The following ALG9 variants were observed in gnomAD, a reference collection of about 807,000 sequenced individuals.
ALG9 encodes the protein ALG9 alpha-1,2-mannosyltransferase, also known as alpha-1,2-mannosyltransferase ALG9.
A neutral mutation model predicts 81.8 loss-of-function variants in ALG9; 55 were observed. That is an observed-to-expected ratio of 0.67 (90% CI 0.54 to 0.84). The LOEUF (loss-of-function observed/expected upper bound fraction) is 0.84. ALG9 is among the 40% of genes least tolerant of loss of function. The pLI is 0.00. For missense variants in ALG9, 629 were observed against 745.0 expected (o/e 0.84, Z 1.81); for synonymous variants, 278 against 274.3 (o/e 1.01, Z -0.13).
chr11:111,851,153 A>G (rs1957744285), intron 8 of ALG9, among the ~76,000 whole-genome samples: 1 of 151,968 alleles, frequency 6.6e-6, no homozygotes, highest in African/African-American at 2.4e-5. Flanking sequence ...CTTCTTTCCT[A>G]CTTTCCCTAC....
intron 8 of ALG9, among the ~76,000 whole-genome samples, chr11:111,847,793 C>A (rs1301657131): frequency 1.3e-5 from 2 of 152,150 alleles, no homozygotes; most frequent in Non-Finnish European, 2.9e-5. Flanking sequence ...TACAGCGCTC[C>A]CATGTAAAAG....
intron 2 of ALG9, among the ~76,000 whole-genome samples, chr11:111,868,946 C>T (rs1963387682): frequency 6.6e-6 from 1 of 151,700 alleles, no homozygotes; most frequent in Non-Finnish European, 1.5e-5. Context: ...CATAGCAAAA[C>T]CCCATCTCTA....
intron 14 of ALG9, 84 bp downstream of exon 14, chr11:111,809,559 C>G: frequency 6.5e-7 from 1 of 1,541,302 alleles, no homozygotes; most frequent in Non-Finnish European, 8.9e-7. Flanking sequence ...TAGAGTCAAC[C>G]CAGGACTGGA....
Position 111,821,926 on chromosome 11 carries a change from G to A in ALG9, c.1603-12153C>T, listed in dbSNP as rs144867640. Among the ~76,000 whole-genome samples, 196 of 152,198 alleles carry A rather than the reference G, an allele frequency of 1.3e-3. 1 individual carries two copies. Among genetic ancestry groups the A allele is most frequent in the African/African-American group, 4.4e-3 (184 of 41,536 alleles). On this transcript the variant is annotated intron_variant, in intron 13 of 14. Coordinates refer to ENST00000616540, the MANE Select transcript of ALG9 (RefSeq NM_024740.2). ...TGGGATTACAGGTGTGAGCCACCAC[G>A]CCCGGCTACCCAGGCTTCTCTGAAT...
At chr11:111,862,870 T>C (rs1960829864) in intron 4 of ALG9, among the ~76,000 whole-genome samples, 2 of 152,124 alleles carry the variant, frequency 1.3e-5, no homozygotes, top group South Asian at 4.1e-4. Flanking sequence ...AAATGAAGTT[T>C]TTCAGGTGAA....
In ALG9 at chr11:111,837,525, T is replaced by A; in HGVS notation, c.1415A>T (p.Asn472Ile). The change falls in exon 12 of 15, where the codon AAT (asparagine) becomes ATT (isoleucine). Residue 472 changes from asparagine to isoleucine, a missense_variant. Transcript: ENST00000616540. ...ATACCACTCTTTTCCCACACAGACA[T>A]TCACAGGTCTGCCTTCTGGGACAGT... ...IHTVPEGRPV[N>I]VCVGKEWYRF... 6.2e-7 allele frequency: 1 copy of A among 1,614,144 alleles called. No homozygotes were observed. Among genetic ancestry groups the A allele is most frequent in the Non-Finnish European group, 8.5e-7 (1 of 1,179,986 alleles).
intron 12 of ALG9, 91 bp downstream of exon 12, chr11:111,837,377 T>G (rs782813122): frequency 1.1e-5 from 17 of 1,486,730 alleles, no homozygotes; most frequent in Non-Finnish European, 1.5e-5. Context: ...CTGTGAAAAC[T>G]CCAAAAGAAA....
At chr11:111,855,466 A>G (rs1958514473) in intron 6 of ALG9, among the ~76,000 whole-genome samples, 1 of 152,160 alleles carries the variant, frequency 6.6e-6, no homozygotes. Flanking sequence ...CCGTGTAGTG[A>G]TCCAGGAACA....
chr11:111,839,792 C>T (rs1237062364), intron 10 of ALG9, among the ~76,000 whole-genome samples: 1 of 152,098 alleles, frequency 6.6e-6, no homozygotes, highest in Non-Finnish European at 1.5e-5. Flanking sequence ...TTAAAACTAT[C>T]ACCTAATATT....
intron 5 of ALG9, among the ~76,000 whole-genome samples, chr11:111,859,372 C>A (rs1002784269): frequency 1.1e-4 from 17 of 151,918 alleles, no homozygotes; most frequent in Non-Finnish European, 1.9e-4. Flanking sequence ...CGTGGTGGTG[C>A]ACGCCTGTAA....
intron 13 of ALG9, among the ~76,000 whole-genome samples, chr11:111,823,434 A>C (rs1237730173): frequency 6.6e-6 from 1 of 152,216 alleles, no homozygotes. Context: ...TTACACTGCC[A>C]AGTCTTGAGC....
At chr11:111,865,041 T>G in intron 4 of ALG9, 140 bp downstream of exon 4, 2 of 556,208 alleles carry the variant, frequency 3.6e-6, no homozygotes, top group Non-Finnish European at 6.0e-6. Context: ...CCTCCCAAAG[T>G]GCTGGGATTA....
At chr11:111,795,070 GA>G (rs1948051373) in intron 14 of ALG9, among the ~76,000 whole-genome samples, 1 of 148,004 alleles carries the variant, frequency 6.8e-6, no homozygotes, top group Admixed American at 6.6e-5. Flanking sequence ...TTATCCAAAA[GA>G]GGAGTTCCAT....
intron 13 of ALG9, among the ~76,000 whole-genome samples, chr11:111,822,817 G>A (rs959961148): frequency 2.7e-4 from 41 of 152,264 alleles, no homozygotes; most frequent in Non-Finnish European, 5.0e-4. Context: ...GAGGTTGGGA[G>A]TTCAAGACCA....
chr11:111,855,384 T>C (rs573688497), intron 6 of ALG9, among the ~76,000 whole-genome samples: 2 of 152,312 alleles, frequency 1.3e-5, no homozygotes, highest in African/African-American at 4.8e-5. Flanking sequence ...ATTTGAGGAA[T>C]ATAACTCTAG....
chr11:111,840,830 C>T lies in ALG9; in HGVS notation c.1019-21G>A, dbSNP rs782310660. 2.5e-6 allele frequency: 4 copies of T among 1,613,658 alleles called. No homozygotes were observed. The South Asian group carries it at 3.3e-5, about 13-fold the overall frequency. On this transcript the variant is annotated intron_variant, in intron 9 of 14. Transcript: ENST00000616540. ...CTGAACTGCAAGACACAGAAAAATA[C>T]CCATCTTTCATTATATTAGAACAAA...
At chr11:111,781,298 C>T (rs1555056822), downstream of ALG9, among the ~76,000 whole-genome samples, 1 of 152,060 alleles carries the variant, frequency 6.6e-6, no homozygotes, top group East Asian at 1.9e-4. Flanking sequence ...ATTAGGAATT[C>T]ATTTACAAAA....
At chr11:111,796,942 G>A (rs1288913590) in intron 14 of ALG9, among the ~76,000 whole-genome samples, 2 of 152,152 alleles carry the variant, frequency 1.3e-5, no homozygotes, top group Non-Finnish European at 2.9e-5. Context: ...TTCTGCCATC[G>A]GGTGGAGTCT....
intron 13 of ALG9, 107 bp from the exon 14 acceptor site, chr11:111,809,880 C>T (rs1304259393): frequency 7.7e-7 from 1 of 1,297,054 alleles, no homozygotes; most frequent in East Asian, 2.3e-5. Context: ...GAGGAACAAA[C>T]ATCCAAGTCT....
Sources: gnomAD v4.1 joint callset for allele counts (sites outside exome capture counted in the v4.1 genomes callset) on GRCh38, gnomAD v4.1.1 for gene constraint, MANE v1.5 for transcripts, NCBI Gene and HGNC (gene_info 2026-07-23, HGNC 2026-07-21) for gene names.